Variants in PI15 observed in about 807,000 individuals in gnomAD.
PI15 encodes the protein peptidase inhibitor 15, also known as 25 kDa trypsin inhibitor.
In PI15, 18 loss-of-function variants were observed where a neutral mutation model predicts 31.0. The observed-to-expected ratio is 0.58, with a 90% CI of 0.40 to 0.86. The LOEUF (loss-of-function observed/expected upper bound fraction) is 0.86, where lower values mean the gene tolerates loss of function less well. PI15 is among the 40% of genes least tolerant of loss of function. The pLI is 0.00. For missense variants in PI15, 282 were observed against 328.1 expected (o/e 0.86, Z 1.09); for synonymous variants, 118 against 119.1 (o/e 0.99, Z 0.06).
intron 2 of PI15, among the ~76,000 whole-genome samples, chr8:74,838,624 C>T (rs189725292): frequency 7.9e-5 from 12 of 151,958 alleles, no homozygotes; most frequent in East Asian, 1.9e-4. Context: ...TCTGTGTGTA[C>T]GCTCAATGTT....
intron 2 of PI15, among the ~76,000 whole-genome samples, chr8:74,829,788 T>C (rs1020777100): frequency 1.3e-5 from 2 of 152,212 alleles, no homozygotes; most frequent in South Asian, 2.1e-4. Context: ...TAATCTCTAG[T>C]TGGCAGATCA....
chr8:74,844,363 G>A (rs1274680765), intron 3 of PI15, among the ~76,000 whole-genome samples: 1 of 151,398 alleles, frequency 6.6e-6, no homozygotes, highest in African/African-American at 2.4e-5. Flanking sequence ...TCTTAGAAAG[G>A]GTCAAGCCTG....
chr8:74,832,103 A>T (rs1330904558), intron 2 of PI15, among the ~76,000 whole-genome samples: 2 of 152,170 alleles, frequency 1.3e-5, no homozygotes, highest in African/African-American at 2.4e-5. Context: ...ATAAGGATAT[A>T]AAAAAACCAT....
At chr8:74,825,555 C>A in intron 2 of PI15, 33 bp downstream of exon 2, 1 of 1,530,946 alleles carries the variant, frequency 6.5e-7, no homozygotes, top group Non-Finnish European at 8.9e-7. Flanking sequence ...TTTTTAAGTT[C>A]TGAGTGAGAA....
At chr8:74,835,131 T>C (rs1257179452) in intron 2 of PI15, among the ~76,000 whole-genome samples, 1 of 152,158 alleles carries the variant, frequency 6.6e-6, no homozygotes, top group East Asian at 1.9e-4. Context: ...CCTACCTACT[T>C]TTCCAAAATT....
intron 2 of PI15, 124 bp downstream of exon 2, chr8:74,825,646 T>A: frequency 2.7e-6 from 2 of 737,308 alleles, no homozygotes; most frequent in Non-Finnish European, 4.3e-6. Flanking sequence ...TTACATATTT[T>A]AACCTAAGGT....
intron 3 of PI15, 69 bp from the exon 4 acceptor site, chr8:74,845,059 C>T: frequency 7.9e-7 from 1 of 1,267,756 alleles, no homozygotes; most frequent in Non-Finnish European, 1.1e-6. Flanking sequence ...AATCAATTTA[C>T]AGTGTAACAT....
chr8:74,854,034 T>C lies in PI15; in HGVS notation c.*4781T>C, dbSNP rs1811145002. ...ATCAATTTCATATATAAAAGGATTATTTCTCCACCTTTAATTATTGGCCTA... is the reference window on the plus strand; with the variant it reads ...ATCAATTTCATATATAAAAGGATTACTTCTCCACCTTTAATTATTGGCCTA... On this transcript the variant is annotated 3_prime_UTR_variant, in exon 6 of 6. Transcript: ENST00000260113. 6.6e-6 allele frequency: 1 copy of C among 152,026 alleles called. No individual in the cohort carries two copies. The highest frequency in any genetic ancestry group is 2.1e-4 in the South Asian group (1 of 4,834). The allele number at this position is 152,026 out of a possible 1,614,324, so 9.4% of individuals were successfully genotyped here. A position where few individuals can be genotyped will look rare whatever the true frequency, so the allele number is the denominator to read the frequency against.
chr8:74,825,274 A>T lies in PI15; in HGVS notation c.25A>T (p.Ser9Cys), dbSNP rs922038145. Reference sequence around the variant, plus strand: ...AATGATAGCAATCTCTGCCGTCAGCAGTGCACTCCTGTTCTCCCTTCTCTG... The same window carrying T: ...AATGATAGCAATCTCTGCCGTCAGCTGTGCACTCCTGTTCTCCCTTCTCTG... Reference protein sequence around the residue: MIAISAVSSALLFSLLCEA... With the variant: MIAISAVSCALLFSLLCEA... Residue 9 changes from serine (S) to cysteine (C), a missense_variant, in exon 2 of 6, where the codon AGT becomes TGT. By Grantham distance (112) the Ser-to-Cys change is moderately radical (BLOSUM62 -1). Transcript: ENST00000260113. The T allele has an allele frequency of 6.2e-7, 1 of 1,613,466 alleles. No homozygotes were observed. The highest frequency in any genetic ancestry group is 8.5e-7 in the Non-Finnish European group (1 of 1,179,574).
At chr8:74,828,047 A>C (rs929825718) in intron 2 of PI15, among the ~76,000 whole-genome samples, 1 of 152,140 alleles carries the variant, frequency 6.6e-6, no homozygotes, top group Non-Finnish European at 1.5e-5. Context: ...AGCATTGACT[A>C]TATGTTAGGC....
intron 2 of PI15, among the ~76,000 whole-genome samples, chr8:74,833,375 T>C (rs1810815828): frequency 6.6e-6 from 1 of 152,072 alleles, no homozygotes; most frequent in Admixed American, 6.6e-5. Context: ...TTCTCTAATT[T>C]TCAGCTTCTT....
At chr8:74,849,078 TG>T (rs753159184) in intron 5 of PI15, 39 bp from the exon 6 acceptor site, 4 of 1,581,196 alleles carry the variant, frequency 2.5e-6, no homozygotes, top group Non-Finnish European at 3.4e-6. Flanking sequence ...AAAAAATGGG[TG>T]GGTTGCACTA....
rs969681204 is a variant in PI15, at chr8:74,853,296, G to A, written c.*4043G>A. On this transcript the variant is annotated 3_prime_UTR_variant, in exon 6 of 6. Coordinates refer to ENST00000260113, the MANE Select transcript of PI15 (RefSeq NM_015886.5). ...GCTAAATGAATTGTTAGTGTTGATG[G>A]CTTTAGTAATGCTCCTTTTATTCAT... The A allele has an allele frequency of 6.6e-5, 10 of 152,428 alleles. No homozygotes were observed. Among genetic ancestry groups the A allele is most frequent in the Non-Finnish European group, 1.2e-4 (8 of 67,926 alleles). The allele number at this position is 152,428 out of a possible 1,614,324, so 9.4% of individuals were successfully genotyped here.
chr8:74,845,761 T>C, intron 5 of PI15: 1 of 415,636 alleles, frequency 2.4e-6, no homozygotes, highest in East Asian at 4.3e-5. Context: ...ATGTTTTAAT[T>C]ATGGCAATTG....
At chr8:74,829,776 G>A (rs565223255) in intron 2 of PI15, among the ~76,000 whole-genome samples, 14 of 152,124 alleles carry the variant, frequency 9.2e-5, no homozygotes, top group African/African-American at 2.9e-4. Context: ...AGAAGGGAGC[G>A]ATAATCTCTA....
chr8:74,833,579 A>C (rs1450648877), intron 2 of PI15, among the ~76,000 whole-genome samples: 4 of 152,098 alleles, frequency 2.6e-5, no homozygotes, highest in African/African-American at 9.7e-5. Context: ...TAGGTGACTG[A>C]TTCTACCACC....
intron 2 of PI15, among the ~76,000 whole-genome samples, chr8:74,827,955 A>T (rs17292417): frequency 0.29 from 44,362 of 152,012 alleles, 6,777 homozygotes; most frequent in Middle Eastern, 0.33. Flanking sequence ...TTGTTTCAAA[A>T]ACTCATGTAA....
chr8:74,825,744 G>A (rs996318320), intron 2 of PI15, among the ~76,000 whole-genome samples: 2 of 152,012 alleles, frequency 1.3e-5, no homozygotes, highest in Non-Finnish European at 2.9e-5. Context: ...GACAGATAGA[G>A]AGAATCTATG....
chr8:74,839,963 A>T (rs1369245312), intron 2 of PI15, among the ~76,000 whole-genome samples: 1 of 152,174 alleles, frequency 6.6e-6, no homozygotes, highest in Non-Finnish European at 1.5e-5. Flanking sequence ...GTCAGTTGTT[A>T]AATGTTTCCC....
Sources: gnomAD v4.1 joint callset for allele counts (sites outside exome capture counted in the v4.1 genomes callset) on GRCh38, gnomAD v4.1.1 for gene constraint, MANE v1.5 for transcripts, NCBI Gene and HGNC (gene_info 2026-07-23, HGNC 2026-07-21) for gene names.